The following XRN1 variants were observed in gnomAD, a reference collection of about 807,000 sequenced individuals.
The protein encoded by XRN1 is 5'-3' exoribonuclease 1, also known as strand-exchange protein 1 homolog.
A neutral mutation model predicts 222.3 loss-of-function variants in XRN1; 67 were observed. The ratio of observed to expected loss-of-function variants is 0.30; its 90% CI spans 0.25 to 0.37. The LOEUF (loss-of-function observed/expected upper bound fraction) is 0.37. XRN1 is among the 10% of genes least tolerant of loss of function. The pLI is 1.00. For synonymous variants in XRN1, 643 were observed against 652.4 expected (o/e 0.99, Z 0.22); for missense variants, 1,707 against 2,000.2 (o/e 0.85, Z 2.80).
At chr3:142,425,565 A>C in intron 3 of XRN1, 27 bp from the exon 4 acceptor site, 1 of 1,566,226 alleles carries the variant, frequency 6.4e-7, no homozygotes. Context: ...AAAAAGGTTA[A>C]TCTAAGAAAG....
At chr3:142,352,760 C>G (rs1478880056) in intron 32 of XRN1, among the ~76,000 whole-genome samples, 3 of 152,190 alleles carry the variant, frequency 2.0e-5, no homozygotes, top group African/African-American at 7.2e-5. Flanking sequence ...CTGCCTCAGC[C>G]TTCTGAGTAG....
At chr3:142,337,952 A>G (rs1003704837) in intron 33 of XRN1, among the ~76,000 whole-genome samples, 1 of 152,192 alleles carries the variant, frequency 6.6e-6, no homozygotes, top group African/African-American at 2.4e-5. Flanking sequence ...GTGTTTATTC[A>G]AGAAAAAAGA....
rs2291363 is a variant in XRN1, at chr3:142,397,309, A to G, written c.2339+20T>C. The G allele has an allele frequency of 0.12, 192,778 of 1,549,610 alleles. 12,729 individuals are homozygous for G. The highest frequency in any genetic ancestry group is 0.13 in the Non-Finnish European group (154,797 of 1,148,954). On this transcript the variant is annotated intron_variant, in intron 20 of 40. Coordinates refer to ENST00000392981, the MANE Select transcript of XRN1 (RefSeq NM_001282857.2). ...ACGGATTTTAGTTCCATGATATTAA[A>G]TACTTTTAACGATACTCACTGTTCT...
At chr3:142,388,306 C>T (rs561833008) in intron 20 of XRN1, among the ~76,000 whole-genome samples, 4 of 152,260 alleles carry the variant, frequency 2.6e-5, no homozygotes, top group Non-Finnish European at 4.4e-5. Flanking sequence ...ATAACATTTT[C>T]TTCTATCTTA....
rs778696570 is a variant in XRN1 at position 142,335,429 on chromosome 3, T to A, written c.3939+19A>T. 1.8e-5 allele frequency: 29 copies of A among 1,612,324 alleles called. No homozygotes were observed. In the Middle Eastern group the frequency reaches 1.2e-3, roughly 64 times the overall value. On this transcript the variant is annotated intron_variant, in intron 34 of 40. Coordinates refer to ENST00000392981, the MANE Select transcript of XRN1 (RefSeq NM_001282857.2). Reference sequence around the variant, plus strand: ...ATTAAAAAATTGGTAACTAGAAATTTGATTTTAAGGAAGCTTACCTGCTTA... The same window carrying A: ...ATTAAAAAATTGGTAACTAGAAATTAGATTTTAAGGAAGCTTACCTGCTTA...
intron 10 of XRN1, among the ~76,000 whole-genome samples, chr3:142,419,744 G>T (rs2068931444): frequency 6.6e-6 from 1 of 151,884 alleles, no homozygotes; most frequent in South Asian, 2.1e-4. Context: ...GGAGGTAGAG[G>T]TTGCAGTGAG....
intron 30 of XRN1, among the ~76,000 whole-genome samples, chr3:142,359,345 CGTGA>C (rs1017085825): frequency 1.3e-5 from 2 of 152,118 alleles, no homozygotes; most frequent in African/African-American, 2.4e-5. Flanking sequence ...GCCAATCTGT[CGTGA>C]GTACCTACAA....
Position 142,421,059 on chromosome 3 carries a change from G to T in XRN1, c.1130C>A (p.Ala377Glu), listed in dbSNP as rs2108105076. 2.5e-6 allele frequency: 4 copies of T among 1,614,030 alleles called. No individual in the cohort carries two copies. The highest frequency in any genetic ancestry group is 3.4e-6 in the Non-Finnish European group (4 of 1,179,976). ...NKYLNEAAGV[A>E]AEEARNYKEK... The stretch of plus-strand genomic sequence containing the variant: ...CTTGTAGTTCCTGGCTTCTTCTGCT[G>T]CGACACCTGCTGCTTCATTGAGGTA... The change falls in exon 10 of 41, where the codon GCA becomes GAA. Residue 377 changes from alanine (A) to glutamate (E), a missense_variant. Ala to Glu is a moderately radical substitution (Grantham distance 107). Around this residue, in one of 2 missense-constraint regions of XRN1, gnomAD observed 1,234 missense variants for 1,518.2 expected, o/e 0.81. Coordinates refer to ENST00000392981, the MANE Select transcript of XRN1 (RefSeq NM_001282857.2).
intron 3 of XRN1, 57 bp from the exon 4 acceptor site, chr3:142,425,595 T>G: frequency 7.1e-7 from 1 of 1,414,572 alleles, no homozygotes; most frequent in South Asian, 1.2e-5. Flanking sequence ...CATTAAGTTC[T>G]CAGTGACAAC....
At chr3:142,368,348 C>T (rs907543819) in intron 27 of XRN1, among the ~76,000 whole-genome samples, 3 of 152,138 alleles carry the variant, frequency 2.0e-5, no homozygotes, top group Non-Finnish European at 4.4e-5. Context: ...AGGGTTTCAC[C>T]ATGTTGGCCA....
chr3:142,329,956 C>G (rs1019710260), intron 36 of XRN1, among the ~76,000 whole-genome samples: 4 of 152,146 alleles, frequency 2.6e-5, no homozygotes, highest in Non-Finnish European at 4.4e-5. Context: ...CCATGAAGCA[C>G]ATATAAACAA....
intron 33 of XRN1, among the ~76,000 whole-genome samples, chr3:142,343,615 C>A (rs73238150): frequency 0.1 from 15,641 of 152,058 alleles, 951 homozygotes; most frequent in Non-Finnish European, 0.14. Flanking sequence ...GAAAAAGGTA[C>A]CCCTGTATAC....
intron 18 of XRN1, among the ~76,000 whole-genome samples, chr3:142,402,089 T>C (rs1267530289): frequency 1.3e-5 from 2 of 152,196 alleles, no homozygotes; most frequent in Non-Finnish European, 2.9e-5. Context: ...GAAATGAACC[T>C]CAAAGTCATC....
intron 20 of XRN1, among the ~76,000 whole-genome samples, chr3:142,390,378 T>C (rs994189484): frequency 9.9e-5 from 15 of 152,228 alleles, no homozygotes; most frequent in Non-Finnish European, 2.2e-4. Flanking sequence ...CAATCTTAGC[T>C]AGATCTGGAT....
chr3:142,432,221 ATAAT>A lies in XRN1; in HGVS notation c.308+436_308+439del, dbSNP rs1333126362. 5.4e-4 allele frequency among the ~76,000 whole-genome samples: 59 copies of A among 108,580 alleles called. 1 individual carries two copies. Among genetic ancestry groups the A allele is most frequent in the African/African-American group, 1.4e-3 (46 of 32,020 alleles). The allele number at this position is 108,580 out of a possible 152,430, so 71.2% of individuals were successfully genotyped here. A position where few individuals can be genotyped will look rare whatever the true frequency, so the allele number is the denominator to read the frequency against. Reference sequence around the variant, plus strand: ...ATTTTATATATAATTAATTATATATATAATTAATTATATATATATAAAATTTATT... The same window carrying A: ...ATTTTATATATAATTAATTATATATATAATTATATATATATAAAATTTATT... On this transcript the variant is annotated intron_variant, in intron 2 of 40. Coordinates refer to ENST00000392981, the MANE Select transcript of XRN1 (RefSeq NM_001282857.2).
intron 6 of XRN1, among the ~76,000 whole-genome samples, chr3:142,423,348 ATAAAAGT>A (rs1192751152): frequency 6.6e-6 from 1 of 152,210 alleles, no homozygotes; most frequent in African/African-American, 2.4e-5. Flanking sequence ...AGATCTAACC[ATAAAAGT>A]TAAAACTTGA....
At chr3:142,377,604 T>C (rs896003542) in intron 23 of XRN1, among the ~76,000 whole-genome samples, 2 of 152,268 alleles carry the variant, frequency 1.3e-5, no homozygotes, top group East Asian at 3.9e-4. Context: ...CCTGCCCAAA[T>C]TGCCAACAGT....
intron 37 of XRN1, among the ~76,000 whole-genome samples, chr3:142,327,063 G>A (rs1006736010): frequency 5.3e-5 from 8 of 151,786 alleles, no homozygotes; most frequent in Non-Finnish European, 8.8e-5. Context: ...CAGATATATC[G>A]GCCTGTAGTT....
chr3:142,368,250 G>A (rs1054483821), intron 27 of XRN1, among the ~76,000 whole-genome samples: 1 of 152,094 alleles, frequency 6.6e-6, no homozygotes, highest in Non-Finnish European at 1.5e-5. Context: ...CCAGGCTCAA[G>A]TGATTCTCCT....
Sources: allele counts gnomAD v4.1 joint callset (sites outside exome capture counted in the v4.1 genomes callset), GRCh38; gene constraint gnomAD v4.1.1; regional missense constraint gnomAD v4.1.1; transcripts MANE v1.5; gene names NCBI Gene and HGNC (gene_info 2026-07-23, HGNC 2026-07-21).